CORO1C: variants seen among roughly 807,000 people sequenced by gnomAD.
CORO1C encodes the protein coronin 1C.
Under a neutral mutation model 51.2 loss-of-function variants are expected in CORO1C, and 14 were observed. That is an observed-to-expected ratio of 0.27 (90% CI 0.18 to 0.43). The LOEUF (loss-of-function observed/expected upper bound fraction) is 0.43. Ranked by LOEUF, CORO1C falls within the 20% of genes least tolerant of loss-of-function variation. The probability of loss-of-function intolerance (pLI) is 1.00; values close to 1 mark genes in which losing one functional copy is unlikely to be tolerated. For synonymous variants in CORO1C, 181 were observed against 210.5 expected (o/e 0.86, Z 1.21); for missense variants, 417 against 607.8 (o/e 0.69, Z 3.30).
In CORO1C at chr12:108,701,343, A is replaced by C. The variant is rs1425654909; in HGVS notation, c.-5-20T>G. ...TCGTGTCTGCAAAGGAAGAGTGAGA[A>C]TTATGTTAGAATTATGCACCAAACT... On this transcript the variant is annotated intron_variant, in intron 1 of 10. Coordinates refer to ENST00000261401, the MANE Select transcript of CORO1C (RefSeq NM_014325.4). 7 of 1,614,148 alleles carry C rather than the reference A, an allele frequency of 4.3e-6. No individual in the cohort carries two copies. The highest frequency in any genetic ancestry group is 5.9e-6 in the Non-Finnish European group (7 of 1,180,002).
At chr12:108,702,333 C>A (rs1422033893) in intron 1 of CORO1C, among the ~76,000 whole-genome samples, 7 of 152,150 alleles carry the variant, frequency 4.6e-5, no homozygotes, top group Non-Finnish European at 1.5e-5. Context: ...CCACCACAGC[C>A]ACTTCCCTAG....
chr12:108,662,992 C>A (rs571803129), intron 3 of CORO1C, among the ~76,000 whole-genome samples: 205 of 152,196 alleles, frequency 1.3e-3, no homozygotes, highest in Admixed American at 2.6e-3. Context: ...GGACAAATAA[C>A]CCAATTGAAA....
chr12:108,700,923 A>G, intron 2 of CORO1C: 1 of 612,398 alleles, frequency 1.6e-6, no homozygotes, highest in Non-Finnish European at 2.9e-6. Context: ...GCATCCCCAG[A>G]ACAGAGGTCA....
chr12:108,703,966 A>T (rs1341411714), intron 1 of CORO1C, among the ~76,000 whole-genome samples: 1 of 152,214 alleles, frequency 6.6e-6, no homozygotes, highest in Non-Finnish European at 1.5e-5. Context: ...CACAGGCATA[A>T]GGTCAGCTTT....
At chr12:108,728,785 G>A (rs2035649101) in intron 1 of CORO1C, among the ~76,000 whole-genome samples, 1 of 152,164 alleles carries the variant, frequency 6.6e-6, no homozygotes, top group Admixed American at 6.5e-5. Flanking sequence ...TATTCATGAA[G>A]AATTCTGTTT....
chr12:108,720,527 T>A (rs2035451111), intron 1 of CORO1C, among the ~76,000 whole-genome samples: 1 of 149,816 alleles, frequency 6.7e-6, no homozygotes, highest in African/African-American at 2.5e-5. Context: ...TAATAAGAAT[T>A]TTTTTTTTTT....
chr12:108,729,298 A>G (rs887194040), intron 1 of CORO1C, among the ~76,000 whole-genome samples: 32 of 152,196 alleles, frequency 2.1e-4, no homozygotes, highest in African/African-American at 7.5e-4. Context: ...AACTATATAT[A>G]AATAAGTATA....
At chr12:108,685,851 T>G (rs1033910641) in intron 2 of CORO1C, among the ~76,000 whole-genome samples, 1 of 152,182 alleles carries the variant, frequency 6.6e-6, no homozygotes, top group African/African-American at 2.4e-5. Context: ...GTAGATGGCA[T>G]TTTAAAGGTA....
At chr12:108,675,091 C>A (rs1218553238) in intron 3 of CORO1C, among the ~76,000 whole-genome samples, 1 of 152,162 alleles carries the variant, frequency 6.6e-6, no homozygotes, top group African/African-American at 2.4e-5. Flanking sequence ...GCAACCACCA[C>A]CCTCATCAGT....
intron 2 of CORO1C, among the ~76,000 whole-genome samples, chr12:108,686,524 T>C (rs553624359): frequency 6.6e-6 from 1 of 152,394 alleles, no homozygotes; most frequent in African/African-American, 2.4e-5. Flanking sequence ...AGAATATTAC[T>C]ACTTTTCTGG....
intron 3 of CORO1C, among the ~76,000 whole-genome samples, chr12:108,669,286 C>T (rs1457539717): frequency 1.3e-5 from 2 of 152,066 alleles, no homozygotes; most frequent in Non-Finnish European, 2.9e-5. Flanking sequence ...TAAAAAATTA[C>T]TTTTATTCTT....
At chr12:108,654,132 C>T (rs914170964) in intron 7 of CORO1C, among the ~76,000 whole-genome samples, 174 bp downstream of exon 7, 9 of 152,222 alleles carry the variant, frequency 5.9e-5, no homozygotes, top group African/African-American at 2.2e-4. Flanking sequence ...GCAAGCTGCA[C>T]ACAGTCCAGT....
rs144694685 is a variant in CORO1C, at chr12:108,654,848, G to A, written c.751-438C>T. Among the ~76,000 whole-genome samples, 138 of 151,992 alleles carry A rather than the reference G, an allele frequency of 9.1e-4. 1 individual carries two copies. Among genetic ancestry groups the A allele is most frequent in the Middle Eastern group, 3.4e-3 (1 of 292 alleles). On this transcript the variant is annotated intron_variant, in intron 6 of 10. Transcript: ENST00000261401. The stretch of plus-strand genomic sequence containing the variant: ...CTGGCAAGAGCTGGGATTATAGATA[G>A]GCACATGCCACCACCCGTGGCTAAT...
chr12:108,724,147 A>G (rs565906251), intron 1 of CORO1C, among the ~76,000 whole-genome samples: 2 of 152,324 alleles, frequency 1.3e-5, no homozygotes, highest in South Asian at 2.1e-4. Flanking sequence ...AATATGTGGG[A>G]AAAAGCAACA....
chr12:108,695,130 T>C (rs1021857979), intron 2 of CORO1C, among the ~76,000 whole-genome samples: 56 of 152,200 alleles, frequency 3.7e-4, no homozygotes, highest in African/African-American at 1.3e-3. Context: ...GGATCTACTT[T>C]CAAGATGGCT....
intron 3 of CORO1C, 57 bp from the exon 4 acceptor site, chr12:108,662,215 A>G: frequency 1.4e-6 from 2 of 1,470,764 alleles, no homozygotes; most frequent in Non-Finnish European, 1.9e-6. Flanking sequence ...TCATTATCAC[A>G]TTTACAGTGA....
chr12:108,675,995 T>C (rs939443943), intron 3 of CORO1C, among the ~76,000 whole-genome samples: 1 of 152,160 alleles, frequency 6.6e-6, no homozygotes, highest in African/African-American at 2.4e-5. Flanking sequence ...GGTCAGGGCT[T>C]CCGAATAGAT....
At chr12:108,661,622 A>G (rs1401359471) in intron 4 of CORO1C, among the ~76,000 whole-genome samples, 2 of 152,214 alleles carry the variant, frequency 1.3e-5, no homozygotes, top group Non-Finnish European at 2.9e-5. Context: ...TTTAAAAGGA[A>G]GGAGTGTATT....
intron 1 of CORO1C, chr12:108,702,706 C>T (rs1158930712): frequency 2.2e-6 from 3 of 1,344,714 alleles, no homozygotes; most frequent in Admixed American, 5.9e-5. Flanking sequence ...TGGGCTGTTG[C>T]TAATTCCTTT....
Sources: gnomAD v4.1 joint callset for allele counts (sites outside exome capture counted in the v4.1 genomes callset) on GRCh38, gnomAD v4.1.1 for gene constraint, MANE v1.5 for transcripts, NCBI Gene and HGNC (gene_info 2026-07-23, HGNC 2026-07-21) for gene names.